Variants in CEP85L observed in about 807,000 individuals in gnomAD.
CEP85L encodes centrosomal protein 85L, also known as centrosomal protein of 85 kDa-like.
A neutral mutation model predicts 100.3 loss-of-function variants in CEP85L; 60 were observed. The observed-to-expected ratio is 0.60, with a 90% CI of 0.49 to 0.74. CEP85L has a LOEUF of 0.74. Among genes scored for constraint, CEP85L ranks in the 30% least tolerant of loss-of-function variants. The pLI, the probability that CEP85L is intolerant of heterozygous loss-of-function variation, is 0.00. For synonymous variants in CEP85L, 319 were observed against 322.7 expected (o/e 0.99, Z 0.12); for missense variants, 973 against 936.2 (o/e 1.04, Z -0.51).
intron 5 of CEP85L, among the ~76,000 whole-genome samples, chr6:118,494,273 T>A (rs1774778611): frequency 1.3e-5 from 2 of 152,192 alleles, no homozygotes; most frequent in Non-Finnish European, 2.9e-5. Flanking sequence ...TCCAGGAGTG[T>A]TCTACAAGAT....
At chr6:118,658,865 T>C (rs1417924279) in intron 1 of CEP85L, among the ~76,000 whole-genome samples, 1 of 152,148 alleles carries the variant, frequency 6.6e-6, no homozygotes, top group Non-Finnish European at 1.5e-5. Flanking sequence ...AATCATATTA[T>C]ATTTGGACAT....
chr6:118,642,795 C>A (rs1197901924), intron 1 of CEP85L, among the ~76,000 whole-genome samples: 1 of 152,030 alleles, frequency 6.6e-6, no homozygotes, highest in African/African-American at 2.4e-5. Context: ...TGGTGGTGCA[C>A]ACCTGTAATC....
At chr6:118,584,923 G>T (rs1048870441) in intron 2 of CEP85L, among the ~76,000 whole-genome samples, 2 of 152,190 alleles carry the variant, frequency 1.3e-5, no homozygotes, top group Non-Finnish European at 2.9e-5. Context: ...CCTAAATCCA[G>T]CCGCCTTCCA....
At chr6:118,617,154 G>A (rs1338107706) in intron 2 of CEP85L, among the ~76,000 whole-genome samples, 1 of 152,186 alleles carries the variant, frequency 6.6e-6, no homozygotes, top group Non-Finnish European at 1.5e-5. Flanking sequence ...TTGGAAAGCT[G>A]TAAAACTCAC....
At chr6:118,535,951 T>C (rs1777565342) in intron 3 of CEP85L, among the ~76,000 whole-genome samples, 1 of 152,176 alleles carries the variant, frequency 6.6e-6, no homozygotes, top group Non-Finnish European at 1.5e-5. Flanking sequence ...ATTTAATCTT[T>C]AAAAATCTTA....
chr6:118,681,320 C>T (rs1388615953), intron 1 of CEP85L, among the ~76,000 whole-genome samples: 1 of 152,032 alleles, frequency 6.6e-6, no homozygotes, highest in Non-Finnish European at 1.5e-5. Flanking sequence ...TATTCTCTGG[C>T]TCATATATAG....
intron 3 of CEP85L, among the ~76,000 whole-genome samples, chr6:118,544,107 CTGAGA>C (rs67711320): frequency 0.029 from 4,420 of 152,206 alleles, 184 homozygotes; most frequent in African/African-American, 0.09. Context: ...GCTCAAAGGG[CTGAGA>C]TATCAACCAC....
intron 2 of CEP85L, among the ~76,000 whole-genome samples, chr6:118,628,687 A>G (rs1228760365): frequency 6.6e-6 from 1 of 152,082 alleles, no homozygotes; most frequent in Non-Finnish European, 1.5e-5. Context: ...ATTATATCCA[A>G]GAATTGTGGG....
At chr6:118,578,888 C>T (rs1583095853) in intron 2 of CEP85L, among the ~76,000 whole-genome samples, 1 of 152,226 alleles carries the variant, frequency 6.6e-6, no homozygotes, top group East Asian at 1.9e-4. Context: ...TTGTTTCTAA[C>T]ACTGGTTTTT....
chr6:118,577,253 A>G (rs376443323), intron 2 of CEP85L, among the ~76,000 whole-genome samples: 4 of 152,136 alleles, frequency 2.6e-5, no homozygotes, highest in African/African-American at 7.2e-5. Context: ...TTCATCCCCA[A>G]GCAGATGTAT....
chr6:118,503,691 A>G (rs189033571), intron 5 of CEP85L, among the ~76,000 whole-genome samples: 216 of 152,224 alleles, frequency 1.4e-3, no homozygotes, highest in Middle Eastern at 6.8e-3. Flanking sequence ...GGGAAAAAAC[A>G]GCCCTTTCAA....
At chr6:118,614,042 G>A (rs1183185028) in intron 2 of CEP85L, among the ~76,000 whole-genome samples, 3 of 152,020 alleles carry the variant, frequency 2.0e-5, no homozygotes, top group Admixed American at 6.6e-5. Flanking sequence ...ACCAAGTGGC[G>A]CTTATTCCAG....
intron 2 of CEP85L, among the ~76,000 whole-genome samples, chr6:118,631,197 C>T (rs1310879086): frequency 2.0e-5 from 3 of 152,096 alleles, no homozygotes; most frequent in Admixed American, 1.3e-4. Context: ...TCTGTACCTC[C>T]CAATGAATTT....
At chr6:118,652,805 GTTT>G, upstream of CEP85L, 1 of 1,247,290 alleles carries the variant, frequency 8.0e-7, no homozygotes, top group Non-Finnish European at 1.1e-6. Flanking sequence ...AGGGTCAGCT[GTTT>G]CTGATGATAA....
At chr6:118,698,675 A>T (rs543012154) in intron 1 of CEP85L, among the ~76,000 whole-genome samples, 5 of 152,312 alleles carry the variant, frequency 3.3e-5, no homozygotes, top group Admixed American at 1.3e-4. Flanking sequence ...CTTAGCCTAC[A>T]GTTATCCCCT....
intron 4 of CEP85L, among the ~76,000 whole-genome samples, chr6:118,521,934 A>C (rs1327396501): frequency 6.6e-6 from 1 of 152,198 alleles, no homozygotes; most frequent in Non-Finnish European, 1.5e-5. Flanking sequence ...TTATGTCAAT[A>C]ATTTTCTGCA....
intron 1 of CEP85L, among the ~76,000 whole-genome samples, chr6:118,676,589 C>G (rs949406935): frequency 1.3e-5 from 2 of 152,178 alleles, no homozygotes; most frequent in Non-Finnish European, 2.9e-5. Context: ...TTCATTCACC[C>G]ACTGACACTT....
chr6:118,514,647 G>A (rs1776164119), intron 4 of CEP85L, among the ~76,000 whole-genome samples: 1 of 151,942 alleles, frequency 6.6e-6, no homozygotes, highest in African/African-American at 2.4e-5. Context: ...TTGGCAGAAT[G>A]GATAAAAAGT....
At chr6:118,693,680 A>G (rs941421652) in intron 1 of CEP85L, among the ~76,000 whole-genome samples, 5 of 152,242 alleles carry the variant, frequency 3.3e-5, no homozygotes, top group South Asian at 2.1e-4. Flanking sequence ...AACCAAAATC[A>G]TATCACAAAG....
Sources: allele counts gnomAD v4.1 joint callset (sites outside exome capture counted in the v4.1 genomes callset), GRCh38; gene constraint gnomAD v4.1.1; transcripts MANE v1.5; gene names NCBI Gene and HGNC (gene_info 2026-07-23, HGNC 2026-07-21).